Variants in CCDC150 observed in about 807,000 individuals in gnomAD.
The protein encoded by CCDC150 is coiled-coil domain-containing protein 150.
CCDC150 carries 151 observed loss-of-function variants against 156.5 expected under a neutral mutation model. The observed-to-expected ratio is 0.97, with a 90% confidence interval of 0.85 to 1.10. The LOEUF (loss-of-function observed/expected upper bound fraction) is 1.10. Ranked by LOEUF, CCDC150 falls within the 50% of genes least tolerant of loss-of-function variation. The pLI, the probability that CCDC150 is intolerant of heterozygous loss-of-function variation, is 0.00. For missense variants in CCDC150, 1,312 were observed against 1,268.1 expected (o/e 1.03, Z -0.53); for synonymous variants, 452 against 429.4 (o/e 1.05, Z -0.65).
chr2:196,731,282 C>T (rs1218466559), intron 26 of CCDC150, among the ~76,000 whole-genome samples: 6 of 151,948 alleles, frequency 3.9e-5, no homozygotes, highest in African/African-American at 1.4e-4. Context: ...GCTCTTTGTT[C>T]AATCAATCAA....
chr2:196,720,226 A>G (rs1282347118), intron 19 of CCDC150: 5 of 330,308 alleles, frequency 1.5e-5, no homozygotes, highest in Non-Finnish European at 2.5e-5. Context: ...CTATGTTATG[A>G]GAGAACAAGT....
At chr2:196,729,636 C>T (rs1277423657) in intron 23 of CCDC150, 157 bp from the exon 24 acceptor site, 1 of 678,152 alleles carries the variant, frequency 1.5e-6, no homozygotes, top group South Asian at 2.0e-5. Flanking sequence ...CTGGACTTTG[C>T]TCTTTTGGGA....
intron 26 of CCDC150, among the ~76,000 whole-genome samples, 160 bp from the exon 27 acceptor site, chr2:196,731,873 A>T (rs1317610733): frequency 6.6e-6 from 1 of 152,202 alleles, no homozygotes; most frequent in African/African-American, 2.4e-5. Flanking sequence ...AATTACTCGC[A>T]TGTATAGGAT....
intron 17 of CCDC150, among the ~76,000 whole-genome samples, chr2:196,714,199 C>T (rs991043333): frequency 1.3e-5 from 2 of 152,098 alleles, no homozygotes; most frequent in Non-Finnish European, 2.9e-5. Flanking sequence ...TTGAAAAAAT[C>T]GCGCAAAGTA....
At chr2:196,657,266 A>T (rs1361575485) in intron 4 of CCDC150, 130 bp downstream of exon 4, 11 of 888,576 alleles carry the variant, frequency 1.2e-5, no homozygotes, top group East Asian at 2.7e-5. Flanking sequence ...GACATTTGGC[A>T]TGTTGATTTG....
At chr2:196,682,431 T>C (rs1447887508) in intron 13 of CCDC150, among the ~76,000 whole-genome samples, 1 of 152,046 alleles carries the variant, frequency 6.6e-6, no homozygotes, top group Non-Finnish European at 1.5e-5. Flanking sequence ...TTTTAAAGAT[T>C]GTTTTAGCCA....
chr2:196,668,663 AAT>A (rs1338351466), intron 7 of CCDC150, among the ~76,000 whole-genome samples: 1 of 152,214 alleles, frequency 6.6e-6, no homozygotes, highest in Non-Finnish European at 1.5e-5. Context: ...AATGCCTTTA[AAT>A]ATTTGCTTCA....
chr2:196,683,260 G>T (rs911717413), intron 13 of CCDC150, among the ~76,000 whole-genome samples: 2 of 151,978 alleles, frequency 1.3e-5, no homozygotes, highest in African/African-American at 2.4e-5. Context: ...CTTTTGCTGT[G>T]TCTATTGAGA....
chr2:196,675,662 A>G (rs1200151467), intron 10 of CCDC150, among the ~76,000 whole-genome samples: 1 of 152,202 alleles, frequency 6.6e-6, no homozygotes, highest in African/African-American at 2.4e-5. Flanking sequence ...AATTTAAGAT[A>G]GTCTTAAAAG....
At position 196,730,111 on chromosome 2, in the gene CCDC150, G is replaced by A. The variant is rs772810758; in HGVS notation, c.2975G>A (p.Arg992Gln). The change falls in exon 25 of 28, where the codon CGG becomes CAG. Residue 992 changes from arginine to glutamine, a missense_variant. Coordinates refer to ENST00000389175, the MANE Select transcript of CCDC150 (RefSeq NM_001080539.2). ...ERKIRQELENRCQELEETVRH... is the reference protein window; with the variant it reads ...ERKIRQELENQCQELEETVRH... ...AAAATAAGGCAGGAGCTAGAGAATCGGTGCCAGGTAAAAGGTTTCCTAAGA... is the reference window on the plus strand; with the variant it reads ...AAAATAAGGCAGGAGCTAGAGAATCAGTGCCAGGTAAAAGGTTTCCTAAGA... 9 of 1,601,012 alleles carry A rather than the reference G, an allele frequency of 5.6e-6. No individual in the cohort carries two copies. In the East Asian group the frequency reaches 6.7e-5, roughly 12 times the overall value.
At chr2:196,714,883 T>A (rs1320340771) in intron 17 of CCDC150, among the ~76,000 whole-genome samples, 1 of 152,208 alleles carries the variant, frequency 6.6e-6, no homozygotes, top group East Asian at 1.9e-4. Context: ...TAGAACAAAA[T>A]TCAGTAGATT....
chr2:196,640,047 A>C, intron 1 of CCDC150, among the ~76,000 whole-genome samples: 1 of 152,244 alleles, frequency 6.6e-6, no homozygotes, highest in South Asian at 2.1e-4. Context: ...TACCACCTTT[A>C]TTTATGTGTT....
intron 15 of CCDC150, among the ~76,000 whole-genome samples, chr2:196,701,928 C>T (rs535772157): frequency 6.6e-6 from 1 of 152,128 alleles, no homozygotes; most frequent in Admixed American, 6.6e-5. Flanking sequence ...ATATTTAAAA[C>T]ATTTTATAAA....
intron 13 of CCDC150, among the ~76,000 whole-genome samples, chr2:196,686,678 A>G (rs1406613781): frequency 1.3e-5 from 2 of 151,868 alleles, no homozygotes; most frequent in Non-Finnish European, 2.9e-5. Context: ...GGTTTGTTAC[A>G]TAGGTAAATG....
intron 14 of CCDC150, among the ~76,000 whole-genome samples, chr2:196,697,599 G>A (rs1031919000): frequency 1.3e-5 from 2 of 152,216 alleles, no homozygotes; most frequent in Middle Eastern, 3.4e-3. Flanking sequence ...GGATGACATT[G>A]TCAGTGTACA....
At chr2:196,650,766 T>C (rs746677341) in intron 2 of CCDC150, among the ~76,000 whole-genome samples, 6 of 152,224 alleles carry the variant, frequency 3.9e-5, no homozygotes, top group Non-Finnish European at 8.8e-5. Flanking sequence ...TTTTAGTGTG[T>C]TTGTCTGCCT....
intron 1 of CCDC150, among the ~76,000 whole-genome samples, chr2:196,644,859 A>G (rs1191471606): frequency 6.6e-6 from 1 of 152,140 alleles, no homozygotes; most frequent in Non-Finnish European, 1.5e-5. Context: ...TCATGCCTGT[A>G]ATGCCAGCAC....
intron 2 of CCDC150, among the ~76,000 whole-genome samples, chr2:196,648,186 C>T (rs1476926888): frequency 6.6e-6 from 1 of 152,122 alleles, no homozygotes; most frequent in Non-Finnish European, 1.5e-5. Flanking sequence ...TATGGCAGTT[C>T]TACTTTTAGT....
At chr2:196,694,946 A>G (rs572041556) in intron 13 of CCDC150, 100 bp from the exon 14 acceptor site, 20 of 637,660 alleles carry the variant, frequency 3.1e-5, no homozygotes, top group South Asian at 1.9e-4. Context: ...CATATGGACA[A>G]TACTGTCCAT....
Sources: allele counts gnomAD v4.1 joint callset (sites outside exome capture counted in the v4.1 genomes callset), GRCh38; gene constraint gnomAD v4.1.1; transcripts MANE v1.5; gene names NCBI Gene and HGNC (gene_info 2026-07-23, HGNC 2026-07-21).